The following CLIC5 variants were observed in gnomAD, a reference collection of about 807,000 sequenced individuals.
The protein encoded by CLIC5 is CLIC family member 5, also known as chloride intracellular channel protein 5.
A neutral mutation model predicts 24.7 loss-of-function variants in CLIC5; 20 were observed. That is an observed-to-expected ratio of 0.81 (90% CI 0.57 to 1.18). The LOEUF (loss-of-function observed/expected upper bound fraction) is 1.18. Ranked by LOEUF, CLIC5 falls within the 50% of genes most tolerant of loss-of-function variation. The probability of loss-of-function intolerance (pLI) is 0.00; values close to 1 mark genes in which losing one functional copy is unlikely to be tolerated. For missense variants in CLIC5, 341 were observed against 326.1 expected (o/e 1.05, Z -0.35); for synonymous variants, 159 against 135.6 (o/e 1.17, Z -1.20).
At chr6:46,092,810 A>T in the CLIC5 span, among the ~76,000 whole-genome samples, 1 of 152,166 alleles carries the variant, frequency 6.6e-6, no homozygotes, top group Non-Finnish European at 1.5e-5. Context: ...ATCATAGCAC[A>T]TTGTTTCTGC....
At chr6:45,904,091 C>T (rs1762584574) in intron 5 of CLIC5, among the ~76,000 whole-genome samples, 1 of 152,116 alleles carries the variant, frequency 6.6e-6, no homozygotes, top group Non-Finnish European at 1.5e-5. Flanking sequence ...AGCATGGGCT[C>T]TGGATACCAA....
downstream of CLIC5, among the ~76,000 whole-genome samples, chr6:45,895,250 C>T (rs1762383552): frequency 2.0e-5 from 3 of 152,132 alleles, no homozygotes; most frequent in South Asian, 6.2e-4. Flanking sequence ...CACCCAGAAT[C>T]ACCCTCCCCT....
At chr6:45,964,234 G>T (rs1481862701) in intron 1 of CLIC5, among the ~76,000 whole-genome samples, 1 of 152,212 alleles carries the variant, frequency 6.6e-6, no homozygotes, top group East Asian at 1.9e-4. Context: ...GAATACTGTG[G>T]TACAGTATTA....
chr6:46,103,122 A>G, the CLIC5 span, among the ~76,000 whole-genome samples: 1 of 152,172 alleles, frequency 6.6e-6, no homozygotes, highest in Non-Finnish European at 1.5e-5. Context: ...AATAATACAG[A>G]CTTGAAGAGA....
At chr6:46,049,932 A>C (rs968536715) in intron 1 of CLIC5, among the ~76,000 whole-genome samples, 1 of 152,228 alleles carries the variant, frequency 6.6e-6, no homozygotes, top group African/African-American at 2.4e-5. Context: ...GTGAATCTGC[A>C]AGAGGAGAAT....
intron 1 of CLIC5, among the ~76,000 whole-genome samples, chr6:45,982,399 A>G (rs1765597187): frequency 6.6e-6 from 1 of 152,104 alleles, no homozygotes; most frequent in Admixed American, 6.6e-5. Context: ...ATTGCTTAAT[A>G]ATAGGGATGC....
At chr6:45,982,014 A>G (rs1407959641) in intron 1 of CLIC5, among the ~76,000 whole-genome samples, 1 of 151,952 alleles carries the variant, frequency 6.6e-6, no homozygotes, top group African/African-American at 2.4e-5. Context: ...AAAAAAGAAA[A>G]AAAGAAAGAA....
chr6:46,010,183 G>C (rs1360184450), intron 1 of CLIC5, among the ~76,000 whole-genome samples: 1 of 152,178 alleles, frequency 6.6e-6, no homozygotes, highest in African/African-American at 2.4e-5. Flanking sequence ...GTGAGATTCA[G>C]CTGGTAGGAC....
the CLIC5 span, among the ~76,000 whole-genome samples, chr6:46,102,977 T>A: frequency 2.6e-5 from 4 of 152,228 alleles, no homozygotes; most frequent in Non-Finnish European, 5.9e-5. Flanking sequence ...GCATGGGATA[T>A]CCAGATGAGT....
Position 45,958,443 on chromosome 6 carries a change from T to TATACACACAC in CLIC5, c.64-3200_64-3199insGTGTGTGTAT, listed in dbSNP as rs1554151289. On this transcript the variant is annotated intron_variant, in intron 1 of 5. Transcript: ENST00000339561. ...ACAATTATATATATATATATATATA[T>TATACACACAC]ATATATATATATATATATATATATA... is the stretch of plus-strand genomic sequence containing the variant. 1.3e-4 allele frequency among the ~76,000 whole-genome samples: 7 copies of TATACACACAC among 55,642 alleles called. 1 individual carries two copies. Among genetic ancestry groups the TATACACACAC allele is most frequent in the Non-Finnish European group, 2.4e-4 (6 of 25,440 alleles). 36.5% of individuals were successfully genotyped at this position (55,642 alleles called of 152,430 possible).
Position 45,927,594 on chromosome 6 carries a change from C to T in CLIC5, c.407-13185G>A, listed in dbSNP as rs571808858. On this transcript the variant is annotated intron_variant, in intron 4 of 5. Transcript: ENST00000339561. ...GAGAACCACTGAAAACAACTTAAGACGCTTATGCTCCTGGAGATGGCCCTG... is the reference window on the plus strand; with the variant it reads ...GAGAACCACTGAAAACAACTTAAGATGCTTATGCTCCTGGAGATGGCCCTG... 3.3e-5 allele frequency among the ~76,000 whole-genome samples: 5 copies of T among 152,294 alleles called. No individual in the cohort carries two copies. The South Asian group carries it at 6.2e-4, about 19-fold the overall frequency.
chr6:46,035,969 T>C (rs938503331), intron 1 of CLIC5, among the ~76,000 whole-genome samples: 1 of 151,974 alleles, frequency 6.6e-6, no homozygotes, highest in Admixed American at 6.6e-5. Flanking sequence ...ATGGTCTCAA[T>C]CTCTTCACCT....
chr6:46,015,494 C>T lies in CLIC5; in HGVS notation c.49G>A (p.Glu17Lys). The change falls in exon 1 of 6, where the codon GAG becomes AAG. Residue 17 changes from glutamate (E) to lysine (K), a missense_variant. By Grantham distance (56) the Glu-to-Lys change is moderately conservative. Transcript: ENST00000339561. ...CCCCGACCTACCTTCACAAAGAGCT[C>T]GATCTCGGGGTCCCTGTCGTCCCCG... is the stretch of plus-strand genomic sequence containing the variant. ...ANGDDRDPEI[E>K]LFVKAGIDGE... is the part of the protein sequence containing the mutation. 2 of 1,558,198 alleles carry T rather than the reference C, an allele frequency of 1.3e-6. No homozygotes were observed. Among genetic ancestry groups the T allele is most frequent in the Non-Finnish European group, 1.7e-6 (2 of 1,152,668 alleles).
intron 1 of CLIC5, among the ~76,000 whole-genome samples, chr6:46,056,003 A>G (rs1017509611): frequency 6.6e-6 from 1 of 152,180 alleles, no homozygotes; most frequent in Non-Finnish European, 1.5e-5. Flanking sequence ...CTCTGAGTGT[A>G]TGGTAGTGAT....
At chr6:45,984,173 A>G (rs1320163444) in intron 1 of CLIC5, among the ~76,000 whole-genome samples, 1 of 152,226 alleles carries the variant, frequency 6.6e-6, no homozygotes, top group African/African-American at 2.4e-5. Context: ...GAGATTTAAA[A>G]AAGTACTTGG....
chr6:45,904,758 G>T (rs1315234750), intron 5 of CLIC5, among the ~76,000 whole-genome samples: 1 of 144,558 alleles, frequency 6.9e-6, no homozygotes, highest in Non-Finnish European at 1.5e-5. Context: ...TTTTTGGGGG[G>T]ATACAAGGGG....
rs549926865 is a variant in CLIC5 at position 45,974,592 on chromosome 6, G to C, written c.64-19348C>G. Among the ~76,000 whole-genome samples the C allele has an allele frequency of 2.0e-5, 3 of 149,186 alleles. No homozygotes were observed. In the Admixed American group the frequency reaches 2.0e-4, roughly 10 times the overall value. On this transcript the variant is annotated intron_variant, in intron 1 of 5. Transcript: ENST00000339561. Reference sequence around the variant, plus strand: ...AGAGAGAGAGAGAGGGCATGCCATAGAGAGGAGTTGAGGGCAGGACCTGAT... The same window carrying C: ...AGAGAGAGAGAGAGGGCATGCCATACAGAGGAGTTGAGGGCAGGACCTGAT...
At chr6:46,037,939 A>C (rs1344512901) in intron 1 of CLIC5, among the ~76,000 whole-genome samples, 3 of 152,204 alleles carry the variant, frequency 2.0e-5, no homozygotes, top group Non-Finnish European at 2.9e-5. Context: ...TACATTGAGA[A>C]GATTAGGCAA....
Position 45,941,615 on chromosome 6 carries a change from G to T in CLIC5, c.338C>A (p.Thr113Lys), listed in dbSNP as rs754704273. 6.2e-7 allele frequency: 1 copy of T among 1,614,008 alleles called. No homozygotes were observed. The highest frequency in any genetic ancestry group is 8.5e-7 in the Non-Finnish European group (1 of 1,179,948). ...CTTGGAAAAGATGTCGATGCCCGCT[G>T]TGTTGGATTCCCGGTGTTTTGCAGC... ...KLAAKHRESNTAGIDIFSKFS... is the reference protein window; with the variant it reads ...KLAAKHRESNKAGIDIFSKFS... Residue 113 changes from threonine to lysine, a missense_variant, in exon 4 of 6, where the codon ACA becomes AAA. By Grantham distance (78) the Thr-to-Lys change is moderately conservative. Coordinates refer to ENST00000339561, the MANE Select transcript of CLIC5 (RefSeq NM_016929.5).
Sources: gnomAD v4.1 joint callset for allele counts (sites outside exome capture counted in the v4.1 genomes callset) on GRCh38, gnomAD v4.1.1 for gene constraint, MANE v1.5 for transcripts, NCBI Gene and HGNC (gene_info 2026-07-23, HGNC 2026-07-21) for gene names.